NEK6: variants seen among roughly 807,000 people sequenced by gnomAD.
NEK6 encodes NIMA related kinase 6.
Under a neutral mutation model 43.5 loss-of-function variants are expected in NEK6, and 27 were observed. The ratio of observed to expected loss-of-function variants is 0.62; its 90% CI spans 0.46 to 0.86. NEK6 has a LOEUF of 0.86. Among genes scored for constraint, NEK6 ranks in the 40% least tolerant of loss-of-function variants. The pLI is 0.00. For missense variants in NEK6, 318 were observed against 414.4 expected, an observed-to-expected ratio of 0.77 and a Z score of 2.02; for synonymous variants, 167 against 164.1, an observed-to-expected ratio of 1.02 and a Z score of -0.14.
At chr9:124,310,200 C>G (rs576697806) in intron 2 of NEK6, among the ~76,000 whole-genome samples, 1 of 152,334 alleles carries the variant, frequency 6.6e-6, no homozygotes, top group Admixed American at 6.5e-5. Flanking sequence ...TCACTGCTAC[C>G]CCTCCAAGCC....
intron 1 of NEK6, chr9:124,292,545 T>A (rs755434259): frequency 6.5e-7 from 1 of 1,534,250 alleles, no homozygotes; most frequent in Non-Finnish European, 8.7e-7. Flanking sequence ...CCAGGGTGAG[T>A]TTTTTACAAA....
chr9:124,307,506 C>T (rs1833315175), intron 2 of NEK6, among the ~76,000 whole-genome samples: 1 of 152,224 alleles, frequency 6.6e-6, no homozygotes, highest in Non-Finnish European at 1.5e-5. Flanking sequence ...ATGTGCCTGC[C>T]CCAGGCAGCC....
chr9:124,349,721 T>G (rs1187151921), intron 9 of NEK6, among the ~76,000 whole-genome samples: 1 of 152,248 alleles, frequency 6.6e-6, no homozygotes, highest in Non-Finnish European at 1.5e-5. Context: ...TTCTTGGGTA[T>G]TTTAACCTGT....
Position 124,327,306 on chromosome 9 carries a change from C to G in NEK6, c.515-32C>G, listed in dbSNP as rs1834390919. On this transcript the variant is annotated intron_variant, in intron 6 of 9. Transcript: ENST00000320246. Reference sequence around the variant, plus strand: ...GCCCCACCTACCCCAAGCCTCCTACCCCACACCAATCTCCTTCTCCTCGCC... The same window carrying G: ...GCCCCACCTACCCCAAGCCTCCTACGCCACACCAATCTCCTTCTCCTCGCC... 3.8e-6 allele frequency: 6 copies of G among 1,591,038 alleles called. No individual in the cohort carries two copies. The East Asian group carries it at 1.1e-4, about 30-fold the overall frequency.
intron 7 of NEK6, among the ~76,000 whole-genome samples, chr9:124,331,648 A>AC (rs1390479060): frequency 1.3e-5 from 2 of 152,206 alleles, no homozygotes; most frequent in Non-Finnish European, 2.9e-5. Context: ...CCTGGGCCCC[A>AC]CAGGGAAGGA....
In NEK6 at chr9:124,351,002, G is replaced by A. The variant is rs773163638; in HGVS notation, c.*55G>A. The A allele has an allele frequency of 6.8e-6, 9 of 1,326,250 alleles. No homozygotes were observed. The highest frequency in any genetic ancestry group is 2.3e-5 in the East Asian group (1 of 42,702). 82.2% of individuals were successfully genotyped at this position (1,326,250 alleles called of 1,614,324 possible). ...AGCACCACTTTGCCTTACTTGAGTC[G>A]TCTTCTCTTCGAGTGGCCACCTGGT... On this transcript the variant is annotated 3_prime_UTR_variant, in exon 10 of 10. Coordinates refer to ENST00000320246, the MANE Select transcript of NEK6 (RefSeq NM_014397.6).
chr9:124,260,926 C>T (rs914265222), intron 1 of NEK6, among the ~76,000 whole-genome samples: 1 of 152,194 alleles, frequency 6.6e-6, no homozygotes, highest in Non-Finnish European at 1.5e-5. Flanking sequence ...CCCCACTGTA[C>T]TAGGAAGGTA....
chr9:124,272,776 T>C (rs1171361704), intron 1 of NEK6, among the ~76,000 whole-genome samples: 1 of 152,170 alleles, frequency 6.6e-6, no homozygotes, highest in East Asian at 1.9e-4. Context: ...TCAGGTCCTA[T>C]TAATTCATTT....
At chr9:124,339,718 GC>G in intron 8 of NEK6, 53 bp downstream of exon 8, 1 of 1,330,282 alleles carries the variant, frequency 7.5e-7, no homozygotes, top group Non-Finnish European at 1.1e-6. Flanking sequence ...CATGGGGGGT[GC>G]CCAGTTAGGA....
chr9:124,284,518 C>T (rs1188580912), intron 1 of NEK6, among the ~76,000 whole-genome samples: 1 of 152,244 alleles, frequency 6.6e-6, no homozygotes, highest in Non-Finnish European at 1.5e-5. Flanking sequence ...CCAATGTTGA[C>T]CCAAAACTAT....
chr9:124,273,379 C>T (rs2118934000), intron 1 of NEK6, among the ~76,000 whole-genome samples: 1 of 152,302 alleles, frequency 6.6e-6, no homozygotes, highest in South Asian at 2.1e-4. Flanking sequence ...GAACCCTTTG[C>T]ATGCTTGTGG....
chr9:124,285,296 C>T (rs1832104323), intron 1 of NEK6, among the ~76,000 whole-genome samples: 1 of 152,168 alleles, frequency 6.6e-6, no homozygotes, highest in Admixed American at 6.5e-5. Flanking sequence ...AGCACCGTTT[C>T]CACAGAGCAG....
chr9:124,292,606 T>A lies in NEK6; in HGVS notation c.-29-9330T>A. The A allele has an allele frequency of 3.3e-6, 5 of 1,526,060 alleles. No homozygotes were observed. The South Asian group carries it at 6.0e-5, about 18-fold the overall frequency. The allele number at this position is 1,526,060 out of a possible 1,614,324, so 94.5% of individuals were successfully genotyped here. A position where few individuals can be genotyped will look rare whatever the true frequency, so the allele number is the denominator to read the frequency against. On this transcript the variant is annotated intron_variant, in intron 1 of 9. Transcript: ENST00000320246. ...CTGTTCCACTTGGTCCTTCTTCCAC[T>A]GTCAGTCAGCAGGGTAGTAGCTGCG... is the stretch of plus-strand genomic sequence containing the variant.
chr9:124,349,151 G>A (rs10115957), intron 9 of NEK6, among the ~76,000 whole-genome samples: 3 of 152,194 alleles, frequency 2.0e-5, no homozygotes, highest in South Asian at 2.1e-4. Flanking sequence ...CTCGAGTGTC[G>A]GGCGCTGCAC....
chr9:124,335,335 C>T (rs1036845997), intron 7 of NEK6, among the ~76,000 whole-genome samples: 9 of 152,120 alleles, frequency 5.9e-5, no homozygotes, highest in African/African-American at 1.7e-4. Context: ...GAACCCCACA[C>T]GGATTCATAT....
At chr9:124,285,264 C>T (rs1368498648) in intron 1 of NEK6, among the ~76,000 whole-genome samples, 42 of 152,324 alleles carry the variant, frequency 2.8e-4, no homozygotes, top group Admixed American at 2.7e-3. Context: ...CCTCACACAG[C>T]TGGTCTGCTT....
rs1829734190 is a variant in NEK6, at chr9:124,343,143, G to A, written c.717+3478G>A. Among the ~76,000 whole-genome samples the A allele has an allele frequency of 1.3e-5, 2 of 152,092 alleles. No individual in the cohort carries two copies. Among genetic ancestry groups the A allele is most frequent in the East Asian group, 1.9e-4 (1 of 5,188 alleles). On this transcript the variant is annotated intron_variant, in intron 8 of 9. Transcript: ENST00000320246. The surrounding 1 kb of genome is among the most constrained non-coding windows in gnomAD (Gnocchi z 5.1). ...CCCGCCTTCGTGACTCCCTGGCATT[G>A]AGGCTCGGGTTACGCCGAGCTGACT...
chr9:124,335,899 C>T lies in NEK6; in HGVS notation c.623-3672C>T, dbSNP rs1309281527. Among the ~76,000 whole-genome samples, 4 of 152,178 alleles carry T rather than the reference C, an allele frequency of 2.6e-5. No individual in the cohort carries two copies. The South Asian group carries it at 8.3e-4, about 32-fold the overall frequency. On this transcript the variant is annotated intron_variant, in intron 7 of 9. Transcript: ENST00000320246. ...CCAATGTGGGAGGATCGCTTGAGGC[C>T]AGGAGTTTGAGACCAGCCTGGGCAA...
At chr9:124,339,480 G>C in intron 7 of NEK6, 91 bp from the exon 8 acceptor site, 3 of 853,428 alleles carry the variant, frequency 3.5e-6, no homozygotes, top group Non-Finnish European at 6.0e-6. Context: ...TCTCTCCCCA[G>C]CTCCCGTGTG....
Sources: gnomAD v4.1 joint callset for allele counts (sites outside exome capture counted in the v4.1 genomes callset) on GRCh38, gnomAD v4.1.1 for gene constraint, Gnocchi (gnomAD v3.1) non-coding constraint, MANE v1.5 for transcripts, NCBI Gene and HGNC (gene_info 2026-07-23, HGNC 2026-07-21) for gene names.